Variants in STK32B observed in about 807,000 individuals in gnomAD.
STK32B encodes serine/threonine-protein kinase 32B.
A neutral mutation model predicts 52.6 loss-of-function variants in STK32B; 43 were observed. The ratio of observed to expected loss-of-function variants is 0.82; its 90% CI spans 0.64 to 1.05. The LOEUF is 1.05. Ranked by LOEUF, STK32B falls within the 50% of genes least tolerant of loss-of-function variation. The pLI is 0.00. For synonymous variants in STK32B, 238 were observed against 204.3 expected, an observed-to-expected ratio of 1.17 and a Z score of -1.41; for missense variants, 621 against 534.6, an observed-to-expected ratio of 1.16 and a Z score of -1.59.
chr4:5,296,407 A>C (rs901379431), intron 3 of STK32B, among the ~76,000 whole-genome samples: 3 of 152,108 alleles, frequency 2.0e-5, no homozygotes, highest in Non-Finnish European at 2.9e-5. Context: ...AAGTCTCTTC[A>C]TAGGTCTCTA....
At chr4:5,462,573 A>G (rs1717119442) in intron 9 of STK32B, among the ~76,000 whole-genome samples, 1 of 152,064 alleles carries the variant, frequency 6.6e-6, no homozygotes, top group Non-Finnish European at 1.5e-5. Context: ...GTGTCCCCCA[A>G]ACACCTACAC....
intron 2 of STK32B, among the ~76,000 whole-genome samples, chr4:5,161,939 A>G (rs10002536): frequency 0.093 from 14,099 of 151,872 alleles, 1,070 homozygotes; most frequent in African/African-American, 0.21. Flanking sequence ...ATTCAACAGT[A>G]TTTACTGAGT....
chr4:5,077,919 G>GTAA (rs1712178129), intron 1 of STK32B, among the ~76,000 whole-genome samples: 1 of 152,118 alleles, frequency 6.6e-6, no homozygotes, highest in South Asian at 2.1e-4. Flanking sequence ...TATTTCTTGT[G>GTAA]TAATTAACAA....
At chr4:5,438,081 T>A (rs1004374) in intron 6 of STK32B, 656,401 of 984,880 alleles carry the variant, frequency 0.67, 219,267 homozygotes, top group East Asian at 0.76. Flanking sequence ...CATGACAAGG[T>A]TTGATGGGGA....
At chr4:5,418,735 C>T (rs964492190) in intron 6 of STK32B, among the ~76,000 whole-genome samples, 2 of 152,232 alleles carry the variant, frequency 1.3e-5, no homozygotes, top group African/African-American at 4.8e-5. Flanking sequence ...CCCAGTTTGG[C>T]CTCACTTAAC....
intron 9 of STK32B, among the ~76,000 whole-genome samples, chr4:5,462,682 G>T (rs1328752991): frequency 6.6e-6 from 1 of 152,150 alleles, no homozygotes; most frequent in Non-Finnish European, 1.5e-5. Flanking sequence ...CCCCCACTGC[G>T]GGTCGACCTT....
chr4:5,175,864 T>C (rs1719834529), intron 3 of STK32B, among the ~76,000 whole-genome samples: 1 of 152,254 alleles, frequency 6.6e-6, no homozygotes, highest in Non-Finnish European at 1.5e-5. Context: ...CAGAGGTTAC[T>C]GCTGCCTTTT....
chr4:5,177,488 C>G (rs1006406378), intron 3 of STK32B, among the ~76,000 whole-genome samples: 1 of 152,064 alleles, frequency 6.6e-6, no homozygotes, highest in Non-Finnish European at 1.5e-5. Context: ...TGCCCCTGGT[C>G]CCTCCCAGAT....
intron 3 of STK32B, among the ~76,000 whole-genome samples, chr4:5,281,603 T>C (rs1247718004): frequency 6.6e-6 from 1 of 152,030 alleles, no homozygotes; most frequent in African/African-American, 2.4e-5. Context: ...AACTTAAAAT[T>C]TAAAAAAGAA....
rs934473328 is a variant in STK32B, at chr4:5,386,842, T to A, written c.435-11365T>A. Among the ~76,000 whole-genome samples the A allele has an allele frequency of 8.5e-5, 13 of 152,158 alleles. No homozygotes were observed. Among genetic ancestry groups the A allele is most frequent in the Admixed American group, 7.2e-4 (11 of 15,282 alleles). ...AGAAGTCACGTGGATAGAGTCGGAT[T>A]CAGCCTTGATACGAACTTGAGATCT... On this transcript the variant is annotated intron_variant, in intron 4 of 11. Coordinates refer to ENST00000282908, the MANE Select transcript of STK32B (RefSeq NM_018401.3). This position sits in a 1 kb window ranked among gnomAD's most constrained non-coding sequence, Gnocchi z 4.5.
intron 6 of STK32B, among the ~76,000 whole-genome samples, chr4:5,440,283 G>A (rs1714592560): frequency 6.6e-6 from 1 of 152,116 alleles, no homozygotes; most frequent in South Asian, 2.1e-4. Flanking sequence ...ATTTCCTTGA[G>A]CAGTGGCTTG....
intron 5 of STK32B, among the ~76,000 whole-genome samples, chr4:5,409,832 C>A (rs1711517320): frequency 6.6e-6 from 1 of 152,058 alleles, no homozygotes; most frequent in Admixed American, 6.5e-5. Context: ...TGCATTCCTA[C>A]CCCACGACCA....
rs144160544 is a variant in STK32B at position 5,288,654 on chromosome 4, T to C, written c.261-42566T>C. On this transcript the variant is annotated intron_variant, in intron 3 of 11. Transcript: ENST00000282908. Reference sequence around the variant, plus strand: ...CTGGATAAACATCTCTTATCAGATATAGAATTTGCAAGTGAGGTTTTTCAT... The same window carrying C: ...CTGGATAAACATCTCTTATCAGATACAGAATTTGCAAGTGAGGTTTTTCAT... Among the ~76,000 whole-genome samples the C allele has an allele frequency of 8.1e-3, 1,239 of 152,300 alleles. 16 individuals are homozygous for C. The highest frequency in any genetic ancestry group is 0.027 in the African/African-American group (1,129 of 41,572).
At chr4:5,272,216 G>C (rs1190274621) in intron 3 of STK32B, among the ~76,000 whole-genome samples, 5 of 144,344 alleles carry the variant, frequency 3.5e-5, no homozygotes, top group East Asian at 2.0e-4. Flanking sequence ...TAGCATGAAG[G>C]GTTGTTGAAT....
intron 3 of STK32B, among the ~76,000 whole-genome samples, chr4:5,254,419 C>T (rs919497051): frequency 1.5e-4 from 23 of 151,986 alleles, no homozygotes; most frequent in African/African-American, 5.3e-4. Context: ...TATGTCCTAA[C>T]TTGTCATTTT....
chr4:5,055,291 G>T (rs1231570954), intron 1 of STK32B, among the ~76,000 whole-genome samples: 1 of 148,240 alleles, frequency 6.7e-6, no homozygotes. Context: ...TAGAGTCAAG[G>T]TCTCACTCTG....
At chr4:5,428,389 C>T (rs551099224) in intron 6 of STK32B, among the ~76,000 whole-genome samples, 1 of 151,964 alleles carries the variant, frequency 6.6e-6, no homozygotes, top group Non-Finnish European at 1.5e-5. Flanking sequence ...GCCTGGGCAA[C>T]AAAGTGAGAC....
At chr4:5,114,962 G>A (rs1714636284) in intron 1 of STK32B, among the ~76,000 whole-genome samples, 1 of 152,162 alleles carries the variant, frequency 6.6e-6, no homozygotes, top group Non-Finnish European at 1.5e-5. Context: ...GAGAGCCACT[G>A]TTCAAACAAC....
chr4:5,275,693 A>G (rs1727768116), intron 3 of STK32B, among the ~76,000 whole-genome samples: 1 of 151,734 alleles, frequency 6.6e-6, no homozygotes, highest in Non-Finnish European at 1.5e-5. Flanking sequence ...GGGGGAATGG[A>G]TGGAGGAATG....
Sources: allele counts gnomAD v4.1 joint callset (sites outside exome capture counted in the v4.1 genomes callset), GRCh38; gene constraint gnomAD v4.1.1; non-coding constraint Gnocchi (gnomAD v3.1); transcripts MANE v1.5; gene names NCBI Gene and HGNC (gene_info 2026-07-23, HGNC 2026-07-21).